BCL7B: variants seen among roughly 807,000 people sequenced by gnomAD.
BCL7B encodes BAF chromatin remodeling complex subunit BCL7B.
A neutral mutation model predicts 26.5 loss-of-function variants in BCL7B; 11 were observed. The observed-to-expected ratio is 0.42, with a 90% confidence interval of 0.26 to 0.69. The LOEUF is 0.69. Among genes scored for constraint, BCL7B ranks in the 30% least tolerant of loss-of-function variants. BCL7B has a pLI of 0.28. For missense variants in BCL7B, 215 were observed against 264.4 expected (o/e 0.81, Z 1.30); for synonymous variants, 111 against 107.9 (o/e 1.03, Z -0.18).
intron 1 of BCL7B, among the ~76,000 whole-genome samples, chr7:73,556,050 C>CG (rs1463428946): frequency 5.3e-5 from 8 of 150,448 alleles, no homozygotes; most frequent in African/African-American, 1.5e-4. Context: ...CTGCTAGGGG[C>CG]GGGGGGGTCA....
chr7:73,552,577 G>A (rs1194915169), intron 1 of BCL7B, among the ~76,000 whole-genome samples: 2 of 151,838 alleles, frequency 1.3e-5, no homozygotes, highest in South Asian at 4.2e-4. Context: ...TCAGGAGTTC[G>A]AGACCATCCC....
intron 1 of BCL7B, chr7:73,557,118 G>A: frequency 1.0e-6 from 1 of 996,466 alleles, no homozygotes; most frequent in South Asian, 4.7e-5. Flanking sequence ...CTATTATCAA[G>A]AGGAAGCCTG....
chr7:73,554,346 G>A (rs1246608564), intron 1 of BCL7B, among the ~76,000 whole-genome samples: 10 of 152,024 alleles, frequency 6.6e-5, no homozygotes, highest in South Asian at 2.1e-4. Context: ...AATACCTTAA[G>A]AGGTACTTGC....
intron 1 of BCL7B, among the ~76,000 whole-genome samples, chr7:73,554,222 C>T (rs997293155): frequency 1.3e-5 from 2 of 151,724 alleles, no homozygotes; most frequent in Admixed American, 6.6e-5. Flanking sequence ...CTCAGCCTCT[C>T]GAAGTGCTGG....
Position 73,557,192 on chromosome 7 carries a change from G to T in BCL7B, c.92+295C>A, listed in dbSNP as rs1026128071. 1.5e-5 allele frequency: 16 copies of T among 1,035,546 alleles called. No individual in the cohort carries two copies. In the African/African-American group the frequency reaches 1.9e-4, roughly 12 times the overall value. 64.1% of individuals were successfully genotyped at this position (1,035,546 alleles called of 1,614,324 possible). ...GCGGGCCCCGGGCTGGGCCGGGCGC[G>T]GGCACCGACGCCAGGCAGCTCCAGT... On this transcript the variant is annotated intron_variant, in intron 1 of 5. Transcript: ENST00000223368.
chr7:73,548,959 C>T (rs1792059415), intron 2 of BCL7B, among the ~76,000 whole-genome samples: 1 of 152,054 alleles, frequency 6.6e-6, no homozygotes. Flanking sequence ...ACAAAAAAAA[C>T]TCCAAAAAAC....
At chr7:73,548,879 G>A (rs1217398283) in intron 2 of BCL7B, among the ~76,000 whole-genome samples, 5 of 151,992 alleles carry the variant, frequency 3.3e-5, no homozygotes, top group East Asian at 3.9e-4. Context: ...GCAGTGAGCC[G>A]AGATTGCGCC....
intron 2 of BCL7B, 24 bp downstream of exon 2, chr7:73,552,143 C>G: frequency 6.5e-7 from 1 of 1,541,110 alleles, no homozygotes; most frequent in Non-Finnish European, 8.9e-7. Flanking sequence ...AAAATGGTAT[C>G]TTTTGATTTT....
intron 2 of BCL7B, among the ~76,000 whole-genome samples, chr7:73,546,000 C>G (rs534753305): frequency 6.6e-6 from 1 of 152,002 alleles, no homozygotes; most frequent in South Asian, 2.1e-4. Context: ...AGCGTGGTGG[C>G]GGGTGCCTGT....
chr7:73,545,468 C>T (rs994988443), intron 2 of BCL7B, among the ~76,000 whole-genome samples: 3 of 152,046 alleles, frequency 2.0e-5, no homozygotes, highest in Non-Finnish European at 2.9e-5. Context: ...TCAATCCGCC[C>T]GCCTCAGCCT....
intron 1 of BCL7B, 62 bp downstream of exon 1, chr7:73,557,425 C>G: frequency 8.1e-7 from 1 of 1,232,950 alleles, no homozygotes. Context: ...ACCCGCCAGT[C>G]CCACGCTCCT....
chr7:73,557,440 G>A, intron 1 of BCL7B, 47 bp downstream of exon 1: 1 of 1,290,540 alleles, frequency 7.7e-7, no homozygotes, highest in South Asian at 2.2e-5. Context: ...GCTCCTCAGG[G>A]CCTGGATCCG....
chr7:73,552,602 A>C (rs189911250), intron 1 of BCL7B, among the ~76,000 whole-genome samples: 2 of 151,996 alleles, frequency 1.3e-5, no homozygotes, highest in Admixed American at 1.3e-4. Context: ...AACATGGTGA[A>C]ACTCTGTCGC....
chr7:73,557,457 C>T, intron 1 of BCL7B, 30 bp downstream of exon 1: 1 of 1,331,642 alleles, frequency 7.5e-7, no homozygotes, highest in South Asian at 2.0e-5. Flanking sequence ...TCCGCGACCC[C>T]CGCCAGCCCC....
chr7:73,542,151 CACT>C (rs1554582954), intron 3 of BCL7B, among the ~76,000 whole-genome samples: 1 of 152,230 alleles, frequency 6.6e-6, no homozygotes, highest in African/African-American at 2.4e-5. Flanking sequence ...CTCTGTGGCT[CACT>C]TGTCCTTGAC....
chr7:73,543,199 C>T (rs1424696623), intron 3 of BCL7B, among the ~76,000 whole-genome samples: 6 of 148,436 alleles, frequency 4.0e-5, no homozygotes, highest in East Asian at 2.0e-4. Context: ...TTTTTTGAGA[C>T]GGAGTCTCAC....
At position 73,538,212 on chromosome 7, in the gene BCL7B, G is replaced by A. The variant is rs1469800525; in HGVS notation, c.437-199C>T. The A allele has an allele frequency of 1.0e-5, 4 of 401,444 alleles. No individual in the cohort carries two copies. In the Admixed American group the frequency reaches 1.3e-4, roughly 13 times the overall value. The allele number at this position is 401,444 out of a possible 1,614,324, so 24.9% of individuals were successfully genotyped here. On this transcript the variant is annotated intron_variant, in intron 4 of 5. Coordinates refer to ENST00000223368, the MANE Select transcript of BCL7B (RefSeq NM_001707.4). The stretch of plus-strand genomic sequence containing the variant: ...GGGCAAAATACGGCTAGACTGCAGA[G>A]GGCCATCTCTGCTGGGCTGGAGATA...
Position 73,557,533 on chromosome 7 carries a change from C to A in BCL7B, c.46G>T (p.Asp16Tyr). 6.9e-7 allele frequency: 1 copy of A among 1,445,470 alleles called. No homozygotes were observed. The highest frequency in any genetic ancestry group is 2.9e-5 in the East Asian group (1 of 34,880). The allele number at this position is 1,445,470 out of a possible 1,614,324, so 89.5% of individuals were successfully genotyped here. A position where few individuals can be genotyped will look rare whatever the true frequency, so the allele number is the denominator to read the frequency against. ...GCCGCCATCACCTTCTTGATGTCGTCCTTGGCCCGGCTGCGGGTCTCCGCC... is the reference window on the plus strand; with the variant it reads ...GCCGCCATCACCTTCTTGATGTCGTACTTGGCCCGGCTGCGGGTCTCCGCC... ...VRAETRSRAK[D>Y]DIKKVMAAIE... The change falls in exon 1 of 6, where the codon GAC (aspartate) becomes TAC (tyrosine). Residue 16 changes from aspartate to tyrosine, a missense_variant. Transcript: ENST00000223368.
In BCL7B at chr7:73,557,548, G is replaced by T; in HGVS notation, c.31C>A (p.Arg11Ser). The change falls in exon 1 of 6, where the codon CGC (arginine) becomes AGC (serine). Residue 11 changes from arginine (R) to serine (S), a missense_variant. Coordinates refer to ENST00000223368, the MANE Select transcript of BCL7B (RefSeq NM_001707.4). MSGRSVRAET[R>S]SRAKDDIKKV... Reference sequence around the variant, plus strand: ...TTGATGTCGTCCTTGGCCCGGCTGCGGGTCTCCGCCCGGACCGACCGGCCC... The same window carrying T: ...TTGATGTCGTCCTTGGCCCGGCTGCTGGTCTCCGCCCGGACCGACCGGCCC... 1 of 1,432,220 alleles carries T rather than the reference G, an allele frequency of 7.0e-7. No individual in the cohort carries two copies. Among genetic ancestry groups the T allele is most frequent in the Non-Finnish European group, 9.2e-7 (1 of 1,081,682 alleles). 88.7% of individuals were successfully genotyped at this position (1,432,220 alleles called of 1,614,324 possible).
Sources: allele counts gnomAD v4.1 joint callset (sites outside exome capture counted in the v4.1 genomes callset), GRCh38; gene constraint gnomAD v4.1.1; transcripts MANE v1.5; gene names NCBI Gene and HGNC (gene_info 2026-07-23, HGNC 2026-07-21).